DCLK1: variants seen among roughly 807,000 people sequenced by gnomAD.
DCLK1 encodes the protein doublecortin like kinase 1.
A neutral mutation model predicts 86.2 loss-of-function variants in DCLK1; 16 were observed. That is an observed-to-expected ratio of 0.19 (90% confidence interval 0.13 to 0.28). DCLK1 has a LOEUF of 0.28. Among genes scored for constraint, DCLK1 ranks in the 10% least tolerant of loss-of-function variants. The pLI is 1.00. For missense variants in DCLK1, 590 were observed against 940.2 expected, an observed-to-expected ratio of 0.63 and a Z score of 4.87; for synonymous variants, 369 against 370.5, an observed-to-expected ratio of 1.00 and a Z score of 0.05.
chr13:36,126,217 A>ATATT (rs1886181931), intron 1 of DCLK1, 61 bp from the exon 2 acceptor site: 1 of 1,193,006 alleles, frequency 8.4e-7, no homozygotes, highest in Non-Finnish European at 1.1e-6. Context: ...ATATATATAT[A>ATATT]TTTTTTTGTT....
At chr13:36,044,075 G>A (rs1464755918) in intron 3 of DCLK1, among the ~76,000 whole-genome samples, 1 of 152,116 alleles carries the variant, frequency 6.6e-6, no homozygotes, top group African/African-American at 2.4e-5. Flanking sequence ...TGCCCTCCCT[G>A]CAGTAATGAG....
intron 2 of DCLK1, among the ~76,000 whole-genome samples, chr13:36,119,968 A>G (rs114541158): frequency 1.8e-3 from 276 of 152,320 alleles, no homozygotes; most frequent in African/African-American, 6.3e-3. Context: ...GGAACTTCCT[A>G]TCTCTGTGAT....
chr13:36,053,921 A>T (rs1466400113), intron 3 of DCLK1, among the ~76,000 whole-genome samples: 1 of 152,184 alleles, frequency 6.6e-6, no homozygotes, highest in East Asian at 1.9e-4. Context: ...ACACAAAGGG[A>T]AACAGCATGT....
chr13:35,879,931 C>T (rs1331734575), intron 4 of DCLK1, among the ~76,000 whole-genome samples: 1 of 152,132 alleles, frequency 6.6e-6, no homozygotes, highest in Non-Finnish European at 1.5e-5. Flanking sequence ...CACACATTCC[C>T]AAATGTCCTC....
chr13:35,965,992 A>G (rs1878714885), intron 3 of DCLK1, among the ~76,000 whole-genome samples: 2 of 152,262 alleles, frequency 1.3e-5, no homozygotes, highest in Admixed American at 1.3e-4. Flanking sequence ...AGAAAGCTCA[A>G]GGTAAAGAGA....
chr13:35,830,792 G>A (rs137873128), intron 8 of DCLK1, among the ~76,000 whole-genome samples: 67 of 152,254 alleles, frequency 4.4e-4, no homozygotes, highest in African/African-American at 1.3e-3. Flanking sequence ...AAAAGCTGCC[G>A]TTCCCTTCAC....
chr13:35,828,349 T>C, intron 8 of DCLK1, 42 bp from the exon 9 acceptor site: 1 of 1,502,046 alleles, frequency 6.7e-7, no homozygotes, highest in Non-Finnish European at 9.1e-7. Context: ...AAACTTAACT[T>C]CAAATCTATT....
chr13:36,075,561 T>C (rs1027473171), intron 3 of DCLK1, among the ~76,000 whole-genome samples: 4 of 152,334 alleles, frequency 2.6e-5, no homozygotes, highest in Middle Eastern at 6.8e-3. Flanking sequence ...TTTCTCTCTA[T>C]TGACTGCCTC....
chr13:35,993,539 T>C (rs2153144312), intron 3 of DCLK1, among the ~76,000 whole-genome samples: 1 of 152,276 alleles, frequency 6.6e-6, no homozygotes, highest in East Asian at 1.9e-4. Flanking sequence ...GACTTGCCAC[T>C]TACTATCTGT....
intron 4 of DCLK1, among the ~76,000 whole-genome samples, chr13:35,885,398 CTAA>C: frequency 6.6e-6 from 1 of 152,240 alleles, no homozygotes; most frequent in East Asian, 1.9e-4. Flanking sequence ...AACAAAAACT[CTAA>C]CTGTAAGGCC....
At chr13:36,106,375 C>A (rs757766945) in intron 3 of DCLK1, among the ~76,000 whole-genome samples, 1 of 152,128 alleles carries the variant, frequency 6.6e-6, no homozygotes, top group Non-Finnish European at 1.5e-5. Flanking sequence ...TCTTAAACTT[C>A]TTTTTCTTTG....
intron 2 of DCLK1, among the ~76,000 whole-genome samples, chr13:36,116,248 C>T (rs1012744686): frequency 1.3e-5 from 2 of 152,148 alleles, no homozygotes; most frequent in African/African-American, 4.8e-5. Flanking sequence ...CCGCGACTGG[C>T]CTGTATTTTT....
At chr13:35,958,735 C>A (rs1013119702) in intron 3 of DCLK1, among the ~76,000 whole-genome samples, 1 of 152,192 alleles carries the variant, frequency 6.6e-6, no homozygotes, top group Admixed American at 6.5e-5. Flanking sequence ...AGTACAAATG[C>A]AACCTAGAAT....
At chr13:36,036,465 T>G (rs183970707) in intron 3 of DCLK1, among the ~76,000 whole-genome samples, 1 of 152,196 alleles carries the variant, frequency 6.6e-6, no homozygotes, top group Admixed American at 6.5e-5. Flanking sequence ...GTGTGGTATG[T>G]TTTTTCTTGG....
intron 3 of DCLK1, among the ~76,000 whole-genome samples, chr13:36,095,368 G>T (rs987918595): frequency 6.6e-6 from 1 of 151,936 alleles, no homozygotes; most frequent in Non-Finnish European, 1.5e-5. Context: ...ACCACATCCA[G>T]CTAATATTTT....
At chr13:36,021,650 A>G (rs184169350) in intron 3 of DCLK1, among the ~76,000 whole-genome samples, 30 of 152,230 alleles carry the variant, frequency 2.0e-4, no homozygotes, top group African/African-American at 7.2e-4. Flanking sequence ...CCTAGAGACA[A>G]AGAAGGACAT....
At chr13:35,775,596 C>G (rs1384914813) in intron 16 of DCLK1, among the ~76,000 whole-genome samples, 1 of 152,092 alleles carries the variant, frequency 6.6e-6, no homozygotes. Flanking sequence ...ACACAGAAAG[C>G]AGAAGAGTAG....
chr13:35,945,245 AG>A (rs1877310347), intron 4 of DCLK1, among the ~76,000 whole-genome samples: 1 of 152,216 alleles, frequency 6.6e-6, no homozygotes, highest in African/African-American at 2.4e-5. Context: ...GCAAGAGGAA[AG>A]GGGCAGTGCA....
intron 3 of DCLK1, among the ~76,000 whole-genome samples, chr13:36,060,942 G>T (rs1476613172): frequency 6.6e-6 from 1 of 152,166 alleles, no homozygotes; most frequent in African/African-American, 2.4e-5. Context: ...CAGATGTGAT[G>T]AATGCAACAC....
Sources: gnomAD v4.1 joint callset for allele counts (sites outside exome capture counted in the v4.1 genomes callset) on GRCh38, gnomAD v4.1.1 for gene constraint, MANE v1.5 for transcripts, NCBI Gene and HGNC (gene_info 2026-07-23, HGNC 2026-07-21) for gene names.